The following LRRC4C variants were observed in gnomAD, a reference collection of about 807,000 sequenced individuals.
LRRC4C encodes the protein leucine-rich repeat-containing protein 4C.
In LRRC4C, 5 loss-of-function variants were observed where a neutral mutation model predicts 33.6. That is an observed-to-expected ratio of 0.15 (90% confidence interval 0.08 to 0.31). The LOEUF is 0.31. LRRC4C is among the 10% of genes least tolerant of loss of function. LRRC4C has a pLI of 1.00. For synonymous variants in LRRC4C, 329 were observed against 302.0 expected, an observed-to-expected ratio of 1.09 and a Z score of -0.93; for missense variants, 560 against 796.7, an observed-to-expected ratio of 0.70 and a Z score of 3.58.
intron 1 of LRRC4C, among the ~76,000 whole-genome samples, chr11:41,025,748 C>T (rs1207216380): frequency 2.0e-5 from 3 of 151,662 alleles, no homozygotes; most frequent in African/African-American, 7.3e-5. Flanking sequence ...AGGAGACAGC[C>T]TTATACTGGA....
chr11:40,443,395 G>C (rs1480621808), intron 3 of LRRC4C, among the ~76,000 whole-genome samples: 2 of 152,144 alleles, frequency 1.3e-5, no homozygotes, highest in South Asian at 2.1e-4. Context: ...TTGGACTTTT[G>C]AATTACCAAA....
chr11:41,039,908 G>A (rs7936546), intron 1 of LRRC4C, among the ~76,000 whole-genome samples: 81,655 of 151,662 alleles, frequency 0.54, 22,510 homozygotes, highest in East Asian at 0.65. Context: ...TTGGGAGGCC[G>A]AGGCAGGCGG....
chr11:40,968,869 C>T (rs77968386), intron 1 of LRRC4C, among the ~76,000 whole-genome samples: 5 of 152,064 alleles, frequency 3.3e-5, no homozygotes, highest in African/African-American at 1.2e-4. Context: ...TTTGTGTCTC[C>T]TAACACAACA....
At chr11:40,543,294 A>T (rs1956795055) in intron 3 of LRRC4C, among the ~76,000 whole-genome samples, 1 of 152,110 alleles carries the variant, frequency 6.6e-6, no homozygotes, top group African/African-American at 2.4e-5. Flanking sequence ...AATACTCTGA[A>T]GGCTAGCACT....
intron 3 of LRRC4C, among the ~76,000 whole-genome samples, chr11:40,389,792 A>T (rs931499099): frequency 7.2e-5 from 11 of 152,208 alleles, no homozygotes; most frequent in Non-Finnish European, 1.3e-4. Flanking sequence ...GTACATAAGC[A>T]TGAAGTTGTT....
chr11:40,806,349 C>A (rs771585241), intron 2 of LRRC4C, among the ~76,000 whole-genome samples: 4 of 152,214 alleles, frequency 2.6e-5, no homozygotes, highest in African/African-American at 9.6e-5. Flanking sequence ...TCCATGTCCA[C>A]GTCCATCTGT....
At chr11:40,793,972 C>CA (rs1453259296) in intron 2 of LRRC4C, among the ~76,000 whole-genome samples, 1 of 152,116 alleles carries the variant, frequency 6.6e-6, no homozygotes, top group Admixed American at 6.5e-5. Flanking sequence ...CTATTATCTT[C>CA]ATATAAACTC....
chr11:41,089,648 C>G (rs573315076), intron 1 of LRRC4C, among the ~76,000 whole-genome samples: 10 of 151,978 alleles, frequency 6.6e-5, no homozygotes, highest in Non-Finnish European at 1.3e-4. Context: ...TCAGTTAATT[C>G]AATTTATTTT....
chr11:41,094,510 C>T lies in LRRC4C; in HGVS notation c.-495-160787G>A, dbSNP rs568492220. ...CTGCACTCCAGCCTGGACAACACAGCGAGACTCTGTCTCAAAAAATAAAAA... is the reference window on the plus strand; with the variant it reads ...CTGCACTCCAGCCTGGACAACACAGTGAGACTCTGTCTCAAAAAATAAAAA... On this transcript the variant is annotated intron_variant, in intron 1 of 6. Coordinates refer to ENST00000528697, the MANE Select transcript of LRRC4C (RefSeq NM_001258419.2). Among the ~76,000 whole-genome samples the T allele has an allele frequency of 1.6e-3, 244 of 152,042 alleles. 2 individuals are homozygous for T. The highest frequency in any genetic ancestry group is 6.8e-3 in the Middle Eastern group (2 of 294).
At chr11:40,869,477 G>A (rs1954529526) in intron 2 of LRRC4C, among the ~76,000 whole-genome samples, 1 of 152,134 alleles carries the variant, frequency 6.6e-6, no homozygotes, top group Non-Finnish European at 1.5e-5. Flanking sequence ...CCAGTAGACA[G>A]AAACATCTGA....
intron 5 of LRRC4C, among the ~76,000 whole-genome samples, chr11:40,163,431 C>T (rs1859329073): frequency 6.6e-6 from 1 of 152,048 alleles, no homozygotes; most frequent in African/African-American, 2.4e-5. Flanking sequence ...CACCGGGTTG[C>T]AAAATATCTA....
At chr11:40,621,939 A>G (rs1962499029) in intron 3 of LRRC4C, among the ~76,000 whole-genome samples, 1 of 151,802 alleles carries the variant, frequency 6.6e-6, no homozygotes, top group Non-Finnish European at 1.5e-5. Flanking sequence ...GCCCCAGGCC[A>G]CACAACTGGG....
chr11:40,772,647 G>T (rs185911985), intron 2 of LRRC4C, among the ~76,000 whole-genome samples: 1 of 152,282 alleles, frequency 6.6e-6, no homozygotes, highest in Non-Finnish European at 1.5e-5. Flanking sequence ...AAACTACATT[G>T]AGATATCATC....
At chr11:40,637,950 G>A (rs1283565799) in intron 3 of LRRC4C, among the ~76,000 whole-genome samples, 1 of 152,064 alleles carries the variant, frequency 6.6e-6, no homozygotes. Context: ...CACAAATCAT[G>A]CTCCCACATC....
chr11:40,587,682 T>G (rs1958823271), intron 3 of LRRC4C, among the ~76,000 whole-genome samples: 2 of 152,006 alleles, frequency 1.3e-5, no homozygotes, highest in Non-Finnish European at 2.9e-5. Flanking sequence ...GTTTTTAGCA[T>G]GAAGGGTTGT....
At chr11:41,094,328 A>G (rs1940657391) in intron 1 of LRRC4C, among the ~76,000 whole-genome samples, 1 of 152,006 alleles carries the variant, frequency 6.6e-6, no homozygotes, top group Admixed American at 6.6e-5. Flanking sequence ...GATACAGACC[A>G]TCCTGGCTAA....
At chr11:40,990,111 G>A (rs993701937) in intron 1 of LRRC4C, among the ~76,000 whole-genome samples, 2 of 150,656 alleles carry the variant, frequency 1.3e-5, no homozygotes, top group African/African-American at 4.9e-5. Flanking sequence ...GATACTGAGG[G>A]TGATTGTAAT....
chr11:40,359,062 T>C (rs1289405675), intron 3 of LRRC4C, among the ~76,000 whole-genome samples: 2 of 152,118 alleles, frequency 1.3e-5, no homozygotes, highest in Non-Finnish European at 2.9e-5. Flanking sequence ...ATCTGATAAA[T>C]TGTTTAGGGA....
intron 3 of LRRC4C, among the ~76,000 whole-genome samples, chr11:40,523,041 T>C (rs1955885121): frequency 6.6e-6 from 1 of 152,194 alleles, no homozygotes; most frequent in Non-Finnish European, 1.5e-5. Flanking sequence ...CTGCTTTCAA[T>C]TATTTTCGTT....
Sources: allele counts gnomAD v4.1 joint callset (sites outside exome capture counted in the v4.1 genomes callset), GRCh38; gene constraint gnomAD v4.1.1; transcripts MANE v1.5; gene names NCBI Gene and HGNC (gene_info 2026-07-23, HGNC 2026-07-21).